Variants in AOPEP observed in about 807,000 individuals in gnomAD.
The protein encoded by AOPEP is aminopeptidase O (putative).
AOPEP carries 77 observed loss-of-function variants against 98.1 expected under a neutral mutation model. That is an observed-to-expected ratio of 0.78 (90% confidence interval 0.65 to 0.95). The LOEUF (loss-of-function observed/expected upper bound fraction) is 0.95. Among genes scored for constraint, AOPEP ranks in the 40% least tolerant of loss-of-function variants. AOPEP has a pLI of 0.00. For synonymous variants in AOPEP, 346 were observed against 365.3 expected, an observed-to-expected ratio of 0.95 and a Z score of 0.60; for missense variants, 1,024 against 1,024.7, an observed-to-expected ratio of 1.00 and a Z score of 0.01.
At chr9:94,926,054 G>A (rs1289001622) in intron 6 of AOPEP, among the ~76,000 whole-genome samples, 1 of 152,194 alleles carries the variant, frequency 6.6e-6, no homozygotes, top group African/African-American at 2.4e-5. Flanking sequence ...TCCCTGGAGT[G>A]CCTCCCTTCT....
At chr9:94,826,766 G>A (rs531541722) in intron 5 of AOPEP, among the ~76,000 whole-genome samples, 1 of 152,264 alleles carries the variant, frequency 6.6e-6, no homozygotes, top group African/African-American at 2.4e-5. Context: ...TGGTGATGGA[G>A]CTGATGATAT....
chr9:94,780,216 C>T (rs1327411279), intron 3 of AOPEP, among the ~76,000 whole-genome samples: 2 of 152,176 alleles, frequency 1.3e-5, no homozygotes, highest in Non-Finnish European at 1.5e-5. Context: ...TGGTCTTTTA[C>T]AGAAAAAAGT....
At chr9:95,113,095 C>T in the AOPEP span, among the ~76,000 whole-genome samples, 1 of 152,206 alleles carries the variant, frequency 6.6e-6, no homozygotes, top group African/African-American at 2.4e-5. Context: ...ACCAGGACAA[C>T]CAGGGAGGGT....
chr9:94,955,545 C>T (rs1030371725), intron 8 of AOPEP, among the ~76,000 whole-genome samples: 54 of 152,176 alleles, frequency 3.5e-4, no homozygotes, highest in African/African-American at 1.3e-3. Flanking sequence ...TCTCACTTTG[C>T]TGTCAGGTTC....
chr9:95,049,976 C>G (rs1442132384), intron 13 of AOPEP, among the ~76,000 whole-genome samples: 1 of 152,232 alleles, frequency 6.6e-6, no homozygotes, highest in Non-Finnish European at 1.5e-5. Context: ...CTTCAGGCTG[C>G]TCCAGGCTCT....
chr9:94,742,225 G>A (rs16911665), intron 1 of AOPEP, among the ~76,000 whole-genome samples: 6,037 of 152,120 alleles, frequency 0.04, 380 homozygotes, highest in African/African-American at 0.14. Context: ...TGATTGGGTC[G>A]AGTTACAAAG....
At chr9:94,871,035 A>T (rs527315072) in intron 5 of AOPEP, among the ~76,000 whole-genome samples, 2 of 150,198 alleles carry the variant, frequency 1.3e-5, no homozygotes, top group Admixed American at 1.3e-4. Context: ...CTCCTCCTCC[A>T]CTCTTCCTAA....
chr9:94,890,746 A>G (rs191513791), intron 5 of AOPEP, among the ~76,000 whole-genome samples: 1 of 152,232 alleles, frequency 6.6e-6, no homozygotes, highest in East Asian at 1.9e-4. Flanking sequence ...GTTATTGTTT[A>G]ATTTCCAAGT....
At chr9:95,028,598 A>G (rs1264311102) in intron 13 of AOPEP, among the ~76,000 whole-genome samples, 1 of 152,210 alleles carries the variant, frequency 6.6e-6, no homozygotes, top group East Asian at 1.9e-4. Context: ...GAATTTTTCC[A>G]AGAGTTACTT....
the AOPEP span, among the ~76,000 whole-genome samples, chr9:95,102,815 G>A: frequency 2.0e-5 from 3 of 152,204 alleles, no homozygotes; most frequent in Admixed American, 2.0e-4. Context: ...GGCAGCGTGG[G>A]GACGCAGAGC....
chr9:95,139,230 A>G, the AOPEP span, among the ~76,000 whole-genome samples: 2 of 152,184 alleles, frequency 1.3e-5, no homozygotes, highest in Non-Finnish European at 2.9e-5. Flanking sequence ...AGGAAGGGAA[A>G]CGCACCGACG....
intron 14 of AOPEP, among the ~76,000 whole-genome samples, chr9:95,076,131 TTC>T (rs1216292958): frequency 6.6e-6 from 1 of 152,220 alleles, no homozygotes; most frequent in African/African-American, 2.4e-5. Flanking sequence ...CTTCCTCAAG[TTC>T]TCTCTTAATT....
intron 5 of AOPEP, among the ~76,000 whole-genome samples, chr9:94,880,668 T>A (rs752476051): frequency 1.3e-5 from 2 of 152,228 alleles, no homozygotes; most frequent in Non-Finnish European, 2.9e-5. Flanking sequence ...ATTGTTTCCA[T>A]AATGTGCCAA....
intron 13 of AOPEP, among the ~76,000 whole-genome samples, chr9:95,045,235 T>C (rs1177093747): frequency 6.6e-6 from 1 of 151,952 alleles, no homozygotes; most frequent in Admixed American, 6.5e-5. Flanking sequence ...AAAGAGGGAG[T>C]GTCATCGCCT....
At chr9:95,031,620 G>A (rs1450217337) in intron 13 of AOPEP, among the ~76,000 whole-genome samples, 1 of 152,066 alleles carries the variant, frequency 6.6e-6, no homozygotes, top group African/African-American at 2.4e-5. Context: ...AGATCAAAGG[G>A]GGCTGTTGGA....
chr9:94,949,769 G>A (rs1197936026), intron 7 of AOPEP, among the ~76,000 whole-genome samples: 1 of 152,216 alleles, frequency 6.6e-6, no homozygotes, highest in African/African-American at 2.4e-5. Flanking sequence ...TAGGAAAATT[G>A]TCACCGAAAA....
intron 13 of AOPEP, among the ~76,000 whole-genome samples, chr9:95,022,614 C>T (rs1472665330): frequency 5.3e-5 from 8 of 151,316 alleles, no homozygotes; most frequent in East Asian, 3.9e-4. Context: ...GCTGGGATTA[C>T]GGGCGTAAGC....
At chr9:94,854,480 T>G (rs1467582926) in intron 5 of AOPEP, among the ~76,000 whole-genome samples, 2 of 152,230 alleles carry the variant, frequency 1.3e-5, no homozygotes, top group Non-Finnish European at 2.9e-5. Flanking sequence ...AATCCTGTTA[T>G]AGGTATGTGA....
rs141301535 is a variant in AOPEP at position 94,880,600 on chromosome 9, C to G, written c.1365-43386C>G. ...TGAACTTCTGGGCTCAAGCAGTCTG[C>G]CTGCCTTGGCATCCCAAAGTGTTGG... On this transcript the variant is annotated intron_variant, in intron 5 of 16. Coordinates refer to ENST00000375315, the MANE Select transcript of AOPEP (RefSeq NM_001193329.3). 7.2e-5 allele frequency among the ~76,000 whole-genome samples: 11 copies of G among 152,264 alleles called. No individual in the cohort carries two copies. The East Asian group carries it at 2.1e-3, about 29-fold the overall frequency.
Sources: allele counts gnomAD v4.1 joint callset (sites outside exome capture counted in the v4.1 genomes callset), GRCh38; gene constraint gnomAD v4.1.1; transcripts MANE v1.5; gene names NCBI Gene and HGNC (gene_info 2026-07-23, HGNC 2026-07-21).